SEMA3A: variants seen among roughly 807,000 people sequenced by gnomAD.
The protein encoded by SEMA3A is semaphorin 3A, also known as semaphorin-3A.
SEMA3A carries 29 observed loss-of-function variants against 97.9 expected under a neutral mutation model. The observed-to-expected ratio is 0.30, with a 90% CI of 0.22 to 0.40. The LOEUF is 0.40. SEMA3A is among the 10% of genes least tolerant of loss of function. The pLI, the probability that SEMA3A is intolerant of heterozygous loss-of-function variation, is 1.00. For missense variants in SEMA3A, 763 were observed against 951.3 expected (o/e 0.80, Z 2.60); for synonymous variants, 321 against 323.7 (o/e 0.99, Z 0.09).
intron 2 of SEMA3A, among the ~76,000 whole-genome samples, chr7:84,339,931 GA>G (rs1234193349): frequency 2.0e-5 from 3 of 151,712 alleles, no homozygotes; most frequent in Non-Finnish European, 4.4e-5. Flanking sequence ...TTAATTTGGG[GA>G]AAAATTATAA....
At chr7:84,000,215 C>T (rs1174614591) in intron 12 of SEMA3A, among the ~76,000 whole-genome samples, 1 of 151,968 alleles carries the variant, frequency 6.6e-6, no homozygotes, top group African/African-American at 2.4e-5. Context: ...TTTTTAACTT[C>T]TAAGATAAAG....
At chr7:84,054,012 C>G (rs1792816183) in intron 5 of SEMA3A, among the ~76,000 whole-genome samples, 1 of 151,440 alleles carries the variant, frequency 6.6e-6, no homozygotes, top group South Asian at 2.1e-4. Flanking sequence ...GTTGAAAATT[C>G]TTTTCTTTAA....
upstream of SEMA3A, among the ~76,000 whole-genome samples, chr7:84,197,246 C>T (rs1181797655): frequency 6.6e-6 from 1 of 152,104 alleles, no homozygotes; most frequent in African/African-American, 2.4e-5. Context: ...TTCTTATCCT[C>T]CAAATTATTT....
intron 3 of SEMA3A, among the ~76,000 whole-genome samples, chr7:84,273,020 T>C (rs1434690778): frequency 6.6e-6 from 1 of 152,132 alleles, no homozygotes; most frequent in Non-Finnish European, 1.5e-5. Flanking sequence ...TGCCAACCTT[T>C]ATCAAATCAG....
intron 6 of SEMA3A, among the ~76,000 whole-genome samples, chr7:84,016,430 T>C (rs1458990404): frequency 6.6e-6 from 1 of 150,980 alleles, no homozygotes; most frequent in East Asian, 2.0e-4. Context: ...CCCAGCTACT[T>C]GGGAGGCTGA....
At position 84,063,113 on chromosome 7, in the gene SEMA3A, T is replaced by C. The variant is rs1470347606; in HGVS notation, c.454-2555A>G. Among the ~76,000 whole-genome samples the C allele has an allele frequency of 3.2e-3, 482 of 152,034 alleles. 1 individual carries two copies. The highest frequency in any genetic ancestry group is 1.0e-2 in the African/African-American group (413 of 41,422). On this transcript the variant is annotated intron_variant, in intron 4 of 16. Transcript: ENST00000265362. ...CCTCCTCAAGTGGGTCCCTGACCCCTGACCCCTAAGCAACCTAACTGTGAG... is the reference window on the plus strand; with the variant it reads ...CCTCCTCAAGTGGGTCCCTGACCCCCGACCCCTAAGCAACCTAACTGTGAG...
In SEMA3A at chr7:84,011,303, A is replaced by G. The variant is rs773990840; in HGVS notation, c.811-6T>C. 1.4e-5 allele frequency: 22 copies of G among 1,558,158 alleles called. No individual in the cohort carries two copies. Among genetic ancestry groups the G allele is most frequent in the Non-Finnish European group, 1.9e-5 (22 of 1,129,154 alleles). On this transcript the variant is annotated splice_region_variant and splice_polypyrimidine_tract_variant and intron_variant, in intron 7 of 16. Coordinates refer to ENST00000265362, the MANE Select transcript of SEMA3A (RefSeq NM_006080.3). ...CTGTGCCCTCCAAAGTCATTCTGAA[A>G]GAAGGGAACACCAGTGTTAGGCACT... is the stretch of plus-strand genomic sequence containing the variant.
chr7:84,374,662 T>C lies in SEMA3A; in HGVS notation c.-245-2762A>G, dbSNP rs186810165. 2.4e-4 allele frequency among the ~76,000 whole-genome samples: 37 copies of C among 152,356 alleles called. No individual in the cohort carries two copies. In the East Asian group the frequency reaches 6.2e-3, roughly 25 times the overall value. ...ATATAACAGTAAACCATTTAAGGTA[T>C]TTCTAAAAGTATTCTTTTAAGAGAG... On this transcript the variant is annotated intron_variant, in intron 1 of 3. Coordinates refer to the SEMA3A transcript ENST00000424555.
At chr7:84,376,206 G>T (rs2116119385) in intron 1 of SEMA3A, among the ~76,000 whole-genome samples, 1 of 152,258 alleles carries the variant, frequency 6.6e-6, no homozygotes, top group Non-Finnish European at 1.5e-5. Flanking sequence ...TATATACCCA[G>T]CAGTGGGATT....
At chr7:84,409,341 TA>T (rs1054791422) in intron 1 of SEMA3A, among the ~76,000 whole-genome samples, 5 of 151,662 alleles carry the variant, frequency 3.3e-5, no homozygotes, top group South Asian at 2.1e-4. Context: ...TTTTTTAAAA[TA>T]AAAAAATTAT....
chr7:84,115,937 C>A (rs1023641223), intron 3 of SEMA3A, among the ~76,000 whole-genome samples: 1 of 152,074 alleles, frequency 6.6e-6, no homozygotes, highest in Non-Finnish European at 1.5e-5. Context: ...TTATTGTGGA[C>A]AAAATTATTT....
intron 5 of SEMA3A, among the ~76,000 whole-genome samples, chr7:84,058,153 A>G (rs554631383): frequency 3.3e-5 from 5 of 152,318 alleles, no homozygotes; most frequent in African/African-American, 7.2e-5. Flanking sequence ...TTTGAGCCCA[A>G]CCTGAAATTT....
chr7:84,474,514 C>T (rs1340547872), intron 1 of SEMA3A, among the ~76,000 whole-genome samples: 1 of 152,212 alleles, frequency 6.6e-6, no homozygotes, highest in East Asian at 1.9e-4. Context: ...CTCTTTGTAG[C>T]AGCTTTTACA....
intron 1 of SEMA3A, among the ~76,000 whole-genome samples, chr7:84,388,239 T>C (rs376985240): frequency 2.1e-3 from 327 of 152,168 alleles, no homozygotes; most frequent in Middle Eastern, 6.8e-3. Context: ...TGCAAGACAT[T>C]TACCTGGTTC....
intron 3 of SEMA3A, among the ~76,000 whole-genome samples, chr7:84,269,216 C>T (rs1449063473): frequency 2.6e-5 from 4 of 152,044 alleles, no homozygotes; most frequent in Non-Finnish European, 2.9e-5. Flanking sequence ...CACTCTGTTC[C>T]TTCCATAGTT....
intron 4 of SEMA3A, among the ~76,000 whole-genome samples, chr7:84,071,689 C>A (rs1793746822): frequency 6.6e-6 from 1 of 152,030 alleles, no homozygotes; most frequent in Non-Finnish European, 1.5e-5. Flanking sequence ...TCTATCCATA[C>A]CTTTCTTCTG....
At chr7:84,478,516 T>C (rs1422480805) in intron 1 of SEMA3A, among the ~76,000 whole-genome samples, 1 of 152,188 alleles carries the variant, frequency 6.6e-6, no homozygotes, top group Non-Finnish European at 1.5e-5. Flanking sequence ...AAATGGAATA[T>C]ATTAACATGA....
At position 84,034,944 on chromosome 7, in the gene SEMA3A, GTTTCCACTATC is replaced by G. The variant is rs1791888756; in HGVS notation, c.667+11369_667+11379del. 2.6e-5 allele frequency among the ~76,000 whole-genome samples: 4 copies of G among 152,048 alleles called. No homozygotes were observed. The South Asian group carries it at 8.3e-4, about 32-fold the overall frequency. ...TTTATTTTATTAGCACAAAGAAACGGTTTCCACTATCTTTATAAATTAAATTTAAGTTAGGT... is the reference window on the plus strand; with the variant it reads ...TTTATTTTATTAGCACAAAGAAACGGTTTATAAATTAAATTTAAGTTAGGT... On this transcript the variant is annotated intron_variant, in intron 6 of 16. Transcript: ENST00000265362.
At chr7:84,480,695 G>A (rs1806421647) in intron 1 of SEMA3A, among the ~76,000 whole-genome samples, 2 of 152,014 alleles carry the variant, frequency 1.3e-5, no homozygotes, top group African/African-American at 4.8e-5. Context: ...TTTTGAATTG[G>A]AAGTGTCCTC....
Sources: allele counts gnomAD v4.1 joint callset (sites outside exome capture counted in the v4.1 genomes callset), GRCh38; gene constraint gnomAD v4.1.1; transcripts MANE v1.5; gene names NCBI Gene and HGNC (gene_info 2026-07-23, HGNC 2026-07-21).